The following NR3C2 variants were observed in gnomAD, a reference collection of about 807,000 sequenced individuals.
NR3C2 encodes mineralocorticoid receptor.
NR3C2 carries 15 observed loss-of-function variants against 86.4 expected under a neutral mutation model. That is an observed-to-expected ratio of 0.17 (90% CI 0.12 to 0.27). The LOEUF (loss-of-function observed/expected upper bound fraction) is 0.27, where lower values mean the gene tolerates loss of function less well. NR3C2 is among the 10% of genes least tolerant of loss of function. The pLI is 1.00. For missense variants in NR3C2, 960 were observed against 1,195.6 expected (o/e 0.80, Z 2.91); for synonymous variants, 458 against 450.5 (o/e 1.02, Z -0.21).
intron 6 of NR3C2, among the ~76,000 whole-genome samples, chr4:148,136,082 A>AC (rs1287502214): frequency 6.9e-5 from 10 of 145,600 alleles, no homozygotes; most frequent in Admixed American, 3.4e-4. Context: ...AAAAACAAAA[A>AC]AAAAAAACAC....
chr4:148,382,217 G>T (rs1263556539), intron 2 of NR3C2, among the ~76,000 whole-genome samples: 1 of 152,176 alleles, frequency 6.6e-6, no homozygotes, highest in Non-Finnish European at 1.5e-5. Context: ...CAGAAAAGTA[G>T]TGGCAGTCCT....
Position 148,345,403 on chromosome 4 carries a change from A to G in NR3C2, c.1758-85286T>C, listed in dbSNP as rs531342000. Among the ~76,000 whole-genome samples, 7 of 152,196 alleles carry G rather than the reference A, an allele frequency of 4.6e-5. No homozygotes were observed. In the South Asian group the frequency reaches 1.4e-3, roughly 31 times the overall value. On this transcript the variant is annotated intron_variant, in intron 2 of 8. Transcript: ENST00000358102. Reference sequence around the variant, plus strand: ...AATAATTGGCAAGAGTAAAAAAAATACATCGTTTTTCAATGGAAAATAAAA... The same window carrying G: ...AATAATTGGCAAGAGTAAAAAAAATGCATCGTTTTTCAATGGAAAATAAAA...
At chr4:148,359,654 C>G (rs1031913158) in intron 2 of NR3C2, among the ~76,000 whole-genome samples, 2 of 152,170 alleles carry the variant, frequency 1.3e-5, no homozygotes, top group Non-Finnish European at 2.9e-5. Flanking sequence ...AGGTGGAAAT[C>G]TAAGAGTCAC....
chr4:148,402,421 C>T (rs796187777), intron 2 of NR3C2, among the ~76,000 whole-genome samples: 2 of 152,256 alleles, frequency 1.3e-5, no homozygotes, highest in African/African-American at 4.8e-5. Flanking sequence ...CCAGATATGT[C>T]TTGTTATATT....
chr4:148,261,843 T>C (rs539470332), intron 2 of NR3C2, among the ~76,000 whole-genome samples: 2 of 152,370 alleles, frequency 1.3e-5, no homozygotes, highest in South Asian at 4.1e-4. Flanking sequence ...TAAAGTATTT[T>C]GAACTATACT....
intron 8 of NR3C2, among the ~76,000 whole-genome samples, chr4:148,103,447 C>T (rs1375181101): frequency 6.6e-6 from 1 of 152,216 alleles, no homozygotes; most frequent in East Asian, 1.9e-4. Flanking sequence ...AAAGCCAGGC[C>T]CTCCCTCCGG....
At chr4:148,167,964 G>A (rs1168437754) in intron 4 of NR3C2, among the ~76,000 whole-genome samples, 4 of 152,176 alleles carry the variant, frequency 2.6e-5, no homozygotes, top group Non-Finnish European at 4.4e-5. Context: ...TGTGGCCAGG[G>A]GGACCTAATG....
intron 3 of NR3C2, among the ~76,000 whole-genome samples, chr4:148,246,429 C>T (rs1239385023): frequency 1.3e-5 from 2 of 152,192 alleles, no homozygotes; most frequent in African/African-American, 4.8e-5. Flanking sequence ...TAAAAAAATT[C>T]ACTACTGAAG....
rs138893620 is a variant in NR3C2 at position 148,436,456 on chromosome 4, C to G, written c.405G>C (p.Gln135His). 2.6e-5 allele frequency: 42 copies of G among 1,614,078 alleles called. No individual in the cohort carries two copies. The African/African-American group carries it at 5.3e-4, about 21-fold the overall frequency. The change falls in exon 2 of 9, where the codon CAG becomes CAC. Residue 135 changes from glutamine to histidine, a missense_variant. Physicochemically the swap from Gln to His is conservative, Grantham distance 24. Around this residue, in one of 4 missense-constraint regions of NR3C2, gnomAD observed 680 missense variants for 719.0 expected, o/e 0.95. Transcript: ENST00000358102. ...QGSMSPAKIY[Q>H]NVEQLVKFYK... is the part of the protein sequence containing the mutation. ...AAAATTTCACCAGCTGTTCAACATTCTGATAAATCTTAGCTGGACTCATGC... is the reference window on the plus strand; with the variant it reads ...AAAATTTCACCAGCTGTTCAACATTGTGATAAATCTTAGCTGGACTCATGC...
chr4:148,233,472 C>T (rs1317536045), intron 3 of NR3C2, among the ~76,000 whole-genome samples: 1 of 151,072 alleles, frequency 6.6e-6, no homozygotes, highest in Non-Finnish European at 1.5e-5. Flanking sequence ...ATGATCCTCA[C>T]ACTTCAGCTT....
At chr4:148,141,276 T>C (rs991886393) in intron 6 of NR3C2, among the ~76,000 whole-genome samples, 2 of 152,050 alleles carry the variant, frequency 1.3e-5, no homozygotes, top group African/African-American at 2.4e-5. Context: ...CTACTAAAAA[T>C]ACAAAAAATT....
At chr4:148,388,597 T>C (rs1747387312) in intron 2 of NR3C2, among the ~76,000 whole-genome samples, 2 of 152,184 alleles carry the variant, frequency 1.3e-5, no homozygotes, top group African/African-American at 2.4e-5. Context: ...TTCTAACATA[T>C]AAAATCAGAC....
rs1734255908 is a variant in NR3C2, at chr4:148,154,490, A to G, written c.2365+61T>C. Reference sequence around the variant, plus strand: ...CCTCCTGCATGGTTGGAGATGGCGAAGTCAGTTGCCCAGACTTGTTAAGTT... The same window carrying G: ...CCTCCTGCATGGTTGGAGATGGCGAGGTCAGTTGCCCAGACTTGTTAAGTT... On this transcript the variant is annotated intron_variant, in intron 5 of 8. Transcript: ENST00000358102. 2.0e-6 allele frequency: 3 copies of G among 1,490,484 alleles called. No individual in the cohort carries two copies. In the Admixed American group the frequency reaches 5.0e-5, roughly 25 times the overall value. The allele number at this position is 1,490,484 out of a possible 1,614,324, so 92.3% of individuals were successfully genotyped here. A position where few individuals can be genotyped will look rare whatever the true frequency, so the allele number is the denominator to read the frequency against.
intron 2 of NR3C2, among the ~76,000 whole-genome samples, chr4:148,285,775 T>C (rs1741492576): frequency 6.6e-6 from 1 of 152,188 alleles, no homozygotes. Flanking sequence ...CTTCCCTGTC[T>C]TGTACATGTG....
At chr4:148,205,692 A>G (rs1333754305) in intron 3 of NR3C2, among the ~76,000 whole-genome samples, 1 of 152,250 alleles carries the variant, frequency 6.6e-6, no homozygotes, top group African/African-American at 2.4e-5. Flanking sequence ...TCCTAAGCAA[A>G]TTAAGCCCTG....
At chr4:148,204,767 AAG>A (rs921949681) in intron 3 of NR3C2, among the ~76,000 whole-genome samples, 92 of 152,246 alleles carry the variant, frequency 6.0e-4, no homozygotes, top group African/African-American at 2.0e-3. Flanking sequence ...ACACTGGGAA[AAG>A]AGAACCATAT....
intron 3 of NR3C2, among the ~76,000 whole-genome samples, chr4:148,232,912 C>T (rs974777870): frequency 6.6e-6 from 1 of 152,194 alleles, no homozygotes; most frequent in African/African-American, 2.4e-5. Flanking sequence ...AAGCTTCAAA[C>T]ATTTCTTCCG....
At chr4:148,271,606 A>AT (rs981760037) in intron 2 of NR3C2, among the ~76,000 whole-genome samples, 11 of 151,904 alleles carry the variant, frequency 7.2e-5, no homozygotes, top group African/African-American at 2.2e-4. Flanking sequence ...TTTAAGGAAA[A>AT]TTTTTTTAAA....
At chr4:148,243,023 G>GA (rs1273736478) in intron 3 of NR3C2, among the ~76,000 whole-genome samples, 2 of 140,512 alleles carry the variant, frequency 1.4e-5, no homozygotes, top group South Asian at 2.3e-4. Context: ...TACTTTTCAG[G>GA]TTTTTTTTTT....
Sources: gnomAD v4.1 joint callset for allele counts (sites outside exome capture counted in the v4.1 genomes callset) on GRCh38, gnomAD v4.1.1 for gene constraint, gnomAD v4.1.1 regional missense constraint, MANE v1.5 for transcripts, NCBI Gene and HGNC (gene_info 2026-07-23, HGNC 2026-07-21) for gene names.